FGF12: variants seen among roughly 807,000 people sequenced by gnomAD.
FGF12 encodes the protein fibroblast growth factor 12, also known as fibroblast growth factor 12B.
FGF12 carries 14 observed loss-of-function variants against 23.6 expected under a neutral mutation model. That is an observed-to-expected ratio of 0.59 (90% CI 0.39 to 0.93). The LOEUF (loss-of-function observed/expected upper bound fraction) is 0.93. Ranked by LOEUF, FGF12 falls within the 40% of genes least tolerant of loss-of-function variation. The pLI, the probability that FGF12 is intolerant of heterozygous loss-of-function variation, is 0.00. For synonymous variants in FGF12, 62 were observed against 77.3 expected, an observed-to-expected ratio of 0.80 and a Z score of 1.04; for missense variants, 175 against 217.8, an observed-to-expected ratio of 0.80 and a Z score of 1.24.
chr3:192,227,573 C>T (rs1296127219), intron 4 of FGF12, among the ~76,000 whole-genome samples: 1 of 109,156 alleles, frequency 9.2e-6, no homozygotes, highest in African/African-American at 3.5e-5. Flanking sequence ...GTGCTCAGAA[C>T]TTAAAGTAAA....
rs150766462 is a variant in FGF12 at position 192,578,956 on chromosome 3, A to G, written c.13+148225T>C. ...CATCTGCTCACATTTAAAAATACCAATTGAAGACCTCCCACGCTGCCTTGG... is the reference window on the plus strand; with the variant it reads ...CATCTGCTCACATTTAAAAATACCAGTTGAAGACCTCCCACGCTGCCTTGG... On this transcript the variant is annotated intron_variant, in intron 2 of 5. Coordinates refer to ENST00000445105, the MANE Select transcript of FGF12 (RefSeq NM_004113.6). Among the ~76,000 whole-genome samples, 82 of 152,324 alleles carry G rather than the reference A, an allele frequency of 5.4e-4. 1 individual carries two copies. In the East Asian group the frequency reaches 5.4e-3, roughly 10 times the overall value.
intron 2 of FGF12, among the ~76,000 whole-genome samples, chr3:192,437,561 G>C (rs933443170): frequency 6.6e-6 from 1 of 152,024 alleles, no homozygotes; most frequent in Admixed American, 6.6e-5. Flanking sequence ...GTGTGGTGGT[G>C]GGTGCCTGTA....
intron 4 of FGF12, among the ~76,000 whole-genome samples, chr3:192,327,874 A>T (rs981971615): frequency 1.3e-5 from 2 of 152,018 alleles, no homozygotes; most frequent in African/African-American, 4.8e-5. Flanking sequence ...TAATTTTTAA[A>T]TTTTTTGTAG....
At chr3:192,209,835 A>G (rs1459856855) in intron 4 of FGF12, among the ~76,000 whole-genome samples, 1 of 152,208 alleles carries the variant, frequency 6.6e-6, no homozygotes, top group African/African-American at 2.4e-5. Flanking sequence ...ACAGCCAGAA[A>G]CCAAACGTTC....
intron 2 of FGF12, among the ~76,000 whole-genome samples, chr3:192,491,977 T>C (rs1723815127): frequency 6.6e-6 from 1 of 152,096 alleles, no homozygotes; most frequent in South Asian, 2.1e-4. Context: ...ACAAGACAGA[T>C]TGCTCCCATC....
intron 2 of FGF12, among the ~76,000 whole-genome samples, chr3:192,686,418 A>G (rs958733449): frequency 1.3e-5 from 2 of 151,632 alleles, no homozygotes; most frequent in African/African-American, 4.8e-5. Context: ...ATCCCACACC[A>G]CTCCCCATCA....
At chr3:192,187,782 A>G (rs1406234687) in intron 4 of FGF12, among the ~76,000 whole-genome samples, 3 of 152,104 alleles carry the variant, frequency 2.0e-5, no homozygotes, top group Admixed American at 1.3e-4. Context: ...AGATGGAAAG[A>G]AAAAAGAAAA....
intron 2 of FGF12, among the ~76,000 whole-genome samples, chr3:192,378,176 T>C (rs1295633831): frequency 6.7e-6 from 1 of 149,140 alleles, no homozygotes; most frequent in African/African-American, 2.6e-5. Context: ...AGTGGTGAGA[T>C]CACAGCTCAC....
At chr3:192,394,183 C>G in intron 2 of FGF12, among the ~76,000 whole-genome samples, 1 of 152,080 alleles carries the variant, frequency 6.6e-6, no homozygotes, top group East Asian at 1.9e-4. Flanking sequence ...AACGTATTTT[C>G]TATTAAAACA....
intron 2 of FGF12, among the ~76,000 whole-genome samples, chr3:192,688,909 TA>T (rs915321206): frequency 2.6e-5 from 4 of 152,204 alleles, no homozygotes; most frequent in African/African-American, 9.6e-5. Context: ...TATCTAGCCA[TA>T]AAAAAATAAA....
rs1164293681 is a variant in FGF12 at position 192,167,765 on chromosome 3, ATATAAAATT to A, written c.427+2684_427+2692del. ...TATATATATATATATATATATATAT[ATATAAAATT>A]TTTTTTTTTTTTTTTTTTTGAGAAA... is the stretch of plus-strand genomic sequence containing the variant. On this transcript the variant is annotated intron_variant, in intron 5 of 5. Transcript: ENST00000445105. 5.4e-3 allele frequency among the ~76,000 whole-genome samples: 174 copies of A among 32,368 alleles called. 13 individuals are homozygous for A. Among genetic ancestry groups the A allele is most frequent in the African/African-American group, 0.019 (157 of 8,288 alleles). The allele number at this position is 32,368 out of a possible 152,430, so 21.2% of individuals were successfully genotyped here.
intron 2 of FGF12, among the ~76,000 whole-genome samples, chr3:192,677,833 A>G (rs1717383250): frequency 6.6e-6 from 1 of 152,204 alleles, no homozygotes; most frequent in African/African-American, 2.4e-5. Context: ...TGGCAGTCCT[A>G]ATCCATACGT....
At chr3:192,599,869 T>C (rs991933420) in intron 2 of FGF12, among the ~76,000 whole-genome samples, 4 of 152,142 alleles carry the variant, frequency 2.6e-5, no homozygotes, top group Admixed American at 1.3e-4. Flanking sequence ...AGTGTGGAGA[T>C]AGTAAAGTTA....
chr3:192,226,182 G>T (rs1202132307), intron 4 of FGF12, among the ~76,000 whole-genome samples: 16 of 152,106 alleles, frequency 1.1e-4, no homozygotes, highest in Non-Finnish European at 2.4e-4. Context: ...CTATACCCAA[G>T]ACTAAGTGAA....
intron 2 of FGF12, among the ~76,000 whole-genome samples, chr3:192,659,995 T>A (rs547820831): frequency 6.6e-6 from 1 of 152,190 alleles, no homozygotes; most frequent in South Asian, 2.1e-4. Flanking sequence ...CCTTTGGGTA[T>A]ATATCCATTA....
At chr3:192,412,363 A>C (rs1219897573) in intron 2 of FGF12, among the ~76,000 whole-genome samples, 2 of 152,216 alleles carry the variant, frequency 1.3e-5, no homozygotes, top group Admixed American at 6.5e-5. Context: ...GAAAGATGAA[A>C]AGGCAGGTAG....
At chr3:192,434,229 CAAGTGAGGA>C (rs1721948124) in intron 2 of FGF12, among the ~76,000 whole-genome samples, 1 of 152,062 alleles carries the variant, frequency 6.6e-6, no homozygotes, top group African/African-American at 2.4e-5. Context: ...AGGGGCTGTG[CAAGTGAGGA>C]AAGTGAGGAA....
At chr3:192,702,954 A>G (rs1311289489) in intron 2 of FGF12, among the ~76,000 whole-genome samples, 1 of 152,226 alleles carries the variant, frequency 6.6e-6, no homozygotes, top group Non-Finnish European at 1.5e-5. Context: ...AGGCTTTGAG[A>G]GTTGCAGGAG....
At chr3:192,222,298 TCTATTGA>T in intron 4 of FGF12, among the ~76,000 whole-genome samples, 1 of 152,150 alleles carries the variant, frequency 6.6e-6, no homozygotes, top group Non-Finnish European at 1.5e-5. Context: ...TTGAAGAGAC[TCTATTGA>T]AGAGACTCAA....
Sources: gnomAD v4.1 joint callset for allele counts (sites outside exome capture counted in the v4.1 genomes callset) on GRCh38, gnomAD v4.1.1 for gene constraint, MANE v1.5 for transcripts, NCBI Gene and HGNC (gene_info 2026-07-23, HGNC 2026-07-21) for gene names.